PCDH15: variants seen among roughly 807,000 people sequenced by gnomAD.
The protein encoded by PCDH15 is protocadherin-15.
A neutral mutation model predicts 178.5 loss-of-function variants in PCDH15; 129 were observed. The observed-to-expected ratio is 0.72, with a 90% CI of 0.63 to 0.84. The LOEUF (loss-of-function observed/expected upper bound fraction) is 0.84. PCDH15 is among the 40% of genes least tolerant of loss of function. PCDH15 has a pLI of 0.00. For missense variants in PCDH15, 2,230 were observed against 2,099.9 expected (o/e 1.06, Z -1.21); for synonymous variants, 800 against 732.0 (o/e 1.09, Z -1.50).
intron 2 of PCDH15, among the ~76,000 whole-genome samples, chr10:55,505,643 T>G (rs534645018): frequency 6.6e-6 from 1 of 151,588 alleles, no homozygotes; most frequent in East Asian, 1.9e-4. Flanking sequence ...AAATTCAGTT[T>G]ATTTTTACAT....
At chr10:54,540,490 T>G (rs1436031711) in intron 2 of PCDH15, among the ~76,000 whole-genome samples, 2 of 152,018 alleles carry the variant, frequency 1.3e-5, no homozygotes, top group Non-Finnish European at 2.9e-5. Flanking sequence ...AGACCAACAT[T>G]GAGTTCCATA....
chr10:53,986,483 A>C (rs1487213341), intron 21 of PCDH15, among the ~76,000 whole-genome samples: 3 of 152,206 alleles, frequency 2.0e-5, no homozygotes, highest in Admixed American at 6.5e-5. Context: ...ATTTATTCAA[A>C]ATATTTGAAA....
chr10:55,269,784 A>G (rs1411351608), intron 1 of PCDH15, among the ~76,000 whole-genome samples: 1 of 152,174 alleles, frequency 6.6e-6, no homozygotes, highest in Non-Finnish European at 1.5e-5. Flanking sequence ...AAAAAATTCT[A>G]AAATTCATCT....
intron 3 of PCDH15, among the ~76,000 whole-genome samples, chr10:54,496,175 C>T (rs1344994767): frequency 6.6e-6 from 1 of 152,088 alleles, no homozygotes; most frequent in East Asian, 1.9e-4. Context: ...TTCTTCTTCA[C>T]TAGTATTACT....
chr10:55,119,220 C>T (rs1463699787), intron 2 of PCDH15, among the ~76,000 whole-genome samples: 10 of 152,052 alleles, frequency 6.6e-5, no homozygotes, highest in Non-Finnish European at 1.3e-4. Flanking sequence ...AATACAGGTC[C>T]CTTCTCAGTA....
intron 2 of PCDH15, among the ~76,000 whole-genome samples, chr10:55,140,711 G>A (rs926762528): frequency 1.5e-4 from 23 of 151,890 alleles, no homozygotes; most frequent in African/African-American, 4.3e-4. Flanking sequence ...TAATCATTGG[G>A]TAGACTTCTC....
chr10:53,929,498 T>C (rs1047384045), intron 25 of PCDH15, among the ~76,000 whole-genome samples: 1 of 152,146 alleles, frequency 6.6e-6, no homozygotes, highest in Non-Finnish European at 1.5e-5. Flanking sequence ...TATAAGGCTA[T>C]GATCATTCCT....
At chr10:55,597,396 A>AC (rs1306883356) in intron 2 of PCDH15, among the ~76,000 whole-genome samples, 1 of 152,120 alleles carries the variant, frequency 6.6e-6, no homozygotes, top group Admixed American at 6.6e-5. Flanking sequence ...GGTAAGAGGT[A>AC]CCCTTGCCGA....
Position 55,533,463 on chromosome 10 carries a change from CAGTCTCATTTACAAT to C in PCDH15, c.-156+94147_-156+94161del, listed in dbSNP as rs535191396. ...TCCAGGCTGAGTCAAATCAAGAACACAGTCTCATTTACAATAGCCGCAAATAAAATGAAATACGTA... is the reference window on the plus strand; with the variant it reads ...TCCAGGCTGAGTCAAATCAAGAACACAGCCGCAAATAAAATGAAATACGTA... On this transcript the variant is annotated intron_variant, in intron 2 of 5. Transcript: ENST00000613346. Among the ~76,000 whole-genome samples, 885 of 152,046 alleles carry C rather than the reference CAGTCTCATTTACAAT, an allele frequency of 5.8e-3. 6 individuals carry two copies. Among genetic ancestry groups the C allele is most frequent in the African/African-American group, 0.02 (844 of 41,508 alleles).
chr10:54,510,076 G>A (rs1372667080), intron 3 of PCDH15, among the ~76,000 whole-genome samples: 1 of 152,148 alleles, frequency 6.6e-6, no homozygotes, highest in Non-Finnish European at 1.5e-5. Flanking sequence ...TTTGAAGGGA[G>A]CTATTGCTCC....
chr10:55,555,590 AG>A (rs1842074864), intron 2 of PCDH15, among the ~76,000 whole-genome samples: 1 of 152,132 alleles, frequency 6.6e-6, no homozygotes, highest in African/African-American at 2.4e-5. Context: ...AAGTAAGTGA[AG>A]ACCACTTATT....
At chr10:54,790,744 T>A (rs141796873) in intron 1 of PCDH15, among the ~76,000 whole-genome samples, 17 of 151,922 alleles carry the variant, frequency 1.1e-4, no homozygotes, top group Non-Finnish European at 1.5e-5. Context: ...ATCTAATAAT[T>A]TAATGTGAAT....
chr10:54,975,841 T>C (rs975396730), intron 2 of PCDH15, among the ~76,000 whole-genome samples: 1 of 152,190 alleles, frequency 6.6e-6, no homozygotes, highest in Admixed American at 6.6e-5. Flanking sequence ...TAAATTACTA[T>C]GAAATTTATG....
intron 2 of PCDH15, among the ~76,000 whole-genome samples, chr10:55,126,178 C>G (rs775887674): frequency 7.9e-5 from 12 of 151,932 alleles, no homozygotes; most frequent in Non-Finnish European, 1.8e-4. Context: ...CCTCTTATTC[C>G]TGCTCTGCTT....
intron 2 of PCDH15, among the ~76,000 whole-genome samples, chr10:55,125,766 C>G (rs1474696406): frequency 6.6e-6 from 1 of 152,064 alleles, no homozygotes; most frequent in Non-Finnish European, 1.5e-5. Context: ...TATAGAGTAG[C>G]AAGAGGCAAG....
intron 26 of PCDH15, among the ~76,000 whole-genome samples, chr10:53,877,089 A>G (rs1369830872): frequency 1.3e-5 from 2 of 152,190 alleles, no homozygotes; most frequent in Non-Finnish European, 1.5e-5. Context: ...TCTGAACCAT[A>G]GAAGGCTTGA....
chr10:54,861,974 C>G lies in PCDH15; in HGVS notation c.-29+35476G>C, dbSNP rs558806948. Among the ~76,000 whole-genome samples the G allele has an allele frequency of 2.6e-5, 4 of 152,236 alleles. No individual in the cohort carries two copies. In the South Asian group the frequency reaches 8.3e-4, roughly 32 times the overall value. On this transcript the variant is annotated intron_variant, in intron 3 of 5. Coordinates refer to the PCDH15 transcript ENST00000458638. ...AACTTTAGGAGTATCCTTGACAAGA[C>G]TGGCTACAATGATGTTAAGTTATAT...
rs141828869 is a variant in PCDH15, at chr10:55,342,196, A to G, written c.-155-175545T>C. ...CTATTTTTCCTTTGTTTTGTGAATG[A>G]CCTACAAGATTATACCCATTTTTTC... On this transcript the variant is annotated intron_variant, in intron 2 of 5. Coordinates refer to the PCDH15 transcript ENST00000613346. 6.3e-4 allele frequency among the ~76,000 whole-genome samples: 95 copies of G among 151,762 alleles called. 1 individual carries two copies. The highest frequency in any genetic ancestry group is 2.3e-3 in the African/African-American group (94 of 41,470).
rs149491502 is a variant in PCDH15, at chr10:54,586,129, T to C, written c.92-58252A>G. ...GTTCACCTCTGTAATATAATTTTCT[T>C]TGTAAAAAGATCAGTTATTGCTGTT... is the stretch of plus-strand genomic sequence containing the variant. On this transcript the variant is annotated intron_variant, in intron 2 of 37. Coordinates refer to ENST00000644397, the MANE Select transcript of PCDH15 (RefSeq NM_001384140.1). 5.4e-3 allele frequency among the ~76,000 whole-genome samples: 826 copies of C among 152,316 alleles called. 8 individuals are homozygous for C. Among genetic ancestry groups the C allele is most frequent in the African/African-American group, 0.018 (763 of 41,572 alleles).
Sources: allele counts gnomAD v4.1 joint callset (sites outside exome capture counted in the v4.1 genomes callset), GRCh38; gene constraint gnomAD v4.1.1; transcripts MANE v1.5; gene names NCBI Gene and HGNC (gene_info 2026-07-23, HGNC 2026-07-21).